The following SRGAP1 variants were observed in gnomAD, a reference collection of about 807,000 sequenced individuals.
SRGAP1 encodes the protein SLIT-ROBO Rho GTPase activating protein 1.
SRGAP1 carries 43 observed loss-of-function variants against 121.9 expected under a neutral mutation model. The observed-to-expected ratio is 0.35, with a 90% CI of 0.28 to 0.46. The LOEUF (loss-of-function observed/expected upper bound fraction) is 0.46, where lower values mean the gene tolerates loss of function less well. SRGAP1 is among the 20% of genes least tolerant of loss of function. SRGAP1 has a pLI of 1.00. For missense variants in SRGAP1, 1,102 were observed against 1,350.9 expected, an observed-to-expected ratio of 0.82 and a Z score of 2.89; for synonymous variants, 447 against 485.4, an observed-to-expected ratio of 0.92 and a Z score of 1.04.
intron 1 of SRGAP1, among the ~76,000 whole-genome samples, chr12:63,919,866 G>A (rs918669779): frequency 3.9e-5 from 6 of 152,214 alleles, no homozygotes; most frequent in Non-Finnish European, 7.3e-5. Context: ...ATTATGTGTT[G>A]TTGGGTGAGT....
At chr12:63,875,857 A>G (rs1900013424) in intron 1 of SRGAP1, among the ~76,000 whole-genome samples, 1 of 152,234 alleles carries the variant, frequency 6.6e-6, no homozygotes, top group East Asian at 1.9e-4. Flanking sequence ...ACTAAGAAAT[A>G]AGGAAACTCA....
At chr12:64,073,874 T>C (rs2035687304) in intron 8 of SRGAP1, among the ~76,000 whole-genome samples, 2 of 152,042 alleles carry the variant, frequency 1.3e-5, no homozygotes, top group South Asian at 4.1e-4. Context: ...ATGGATTTTG[T>C]GTTTTTTTGT....
intron 12 of SRGAP1, chr12:64,092,062 T>C: frequency 2.8e-6 from 2 of 716,544 alleles, no homozygotes; most frequent in Non-Finnish European, 4.6e-6. Context: ...GACAAGTTTA[T>C]AAATAGGTTT....
At chr12:63,912,920 T>A (rs2030568409) in intron 1 of SRGAP1, among the ~76,000 whole-genome samples, 1 of 152,136 alleles carries the variant, frequency 6.6e-6, no homozygotes, top group African/African-American at 2.4e-5. Flanking sequence ...CTTGTGAGTA[T>A]CACTGGGGTT....
intron 4 of SRGAP1, among the ~76,000 whole-genome samples, chr12:64,039,374 A>C (rs1160849681): frequency 1.3e-5 from 2 of 152,174 alleles, no homozygotes; most frequent in Non-Finnish European, 2.9e-5. Flanking sequence ...TCAGTAAGGA[A>C]CACCCTGCTG....
At chr12:64,048,864 A>G (rs1349537714) in intron 6 of SRGAP1, among the ~76,000 whole-genome samples, 1 of 151,864 alleles carries the variant, frequency 6.6e-6, no homozygotes, top group Non-Finnish European at 1.5e-5. Flanking sequence ...ATTTTTTCCT[A>G]TTGAGTTGTT....
chr12:63,941,318 C>CA (rs938394002), intron 1 of SRGAP1, among the ~76,000 whole-genome samples: 3 of 151,850 alleles, frequency 2.0e-5, no homozygotes, highest in African/African-American at 7.3e-5. Context: ...GTCATCATGC[C>CA]AAAAAATGAA....
chr12:63,878,943 A>G (rs1051277016), intron 1 of SRGAP1: 3 of 152,226 alleles, frequency 2.0e-5, no homozygotes, highest in African/African-American at 7.2e-5. Context: ...AGTTCTTTCA[A>G]TCTTGAATGA....
chr12:63,911,709 T>G (rs2030512328), intron 1 of SRGAP1, among the ~76,000 whole-genome samples: 1 of 152,212 alleles, frequency 6.6e-6, no homozygotes, highest in Non-Finnish European at 1.5e-5. Context: ...TTTAAAATAT[T>G]TAAGCATCAC....
At chr12:63,978,836 C>T (rs2033166060) in intron 1 of SRGAP1, among the ~76,000 whole-genome samples, 1 of 152,156 alleles carries the variant, frequency 6.6e-6, no homozygotes, top group Non-Finnish European at 1.5e-5. Flanking sequence ...TGTGTGAGTT[C>T]CAGTTTCTCC....
intron 1 of SRGAP1, among the ~76,000 whole-genome samples, chr12:63,936,459 G>T (rs10878094): frequency 2.6e-5 from 4 of 151,924 alleles, no homozygotes; most frequent in East Asian, 3.9e-4. Context: ...GGGACGGCAA[G>T]GGGACATGTG....
At chr12:63,962,151 G>A (rs1032390493) in intron 1 of SRGAP1, among the ~76,000 whole-genome samples, 7 of 152,124 alleles carry the variant, frequency 4.6e-5, no homozygotes, top group African/African-American at 9.7e-5. Context: ...ACAATTGTGT[G>A]TATATATATC....
chr12:64,065,324 T>G (rs2035519155), intron 8 of SRGAP1, 105 bp downstream of exon 8: 7 of 960,702 alleles, frequency 7.3e-6, no homozygotes, highest in Non-Finnish European at 1.1e-5. Context: ...TTCAACCTCT[T>G]CATCACGTAT....
chr12:64,062,711 G>A (rs1236450554), intron 6 of SRGAP1, among the ~76,000 whole-genome samples: 1 of 151,870 alleles, frequency 6.6e-6, no homozygotes, highest in Non-Finnish European at 1.5e-5. Flanking sequence ...GAGACGGGGG[G>A]TCTTCAATTT....
At position 64,147,404 on chromosome 12, in the gene SRGAP1, G is replaced by A. The variant is rs1488870813; in HGVS notation, c.*4732G>A. The A allele has an allele frequency of 5.3e-5, 14 of 262,472 alleles. No homozygotes were observed. Among genetic ancestry groups the A allele is most frequent in the Non-Finnish European group, 8.6e-5 (13 of 151,972 alleles). The allele number at this position is 262,472 out of a possible 1,614,324, so 16.3% of individuals were successfully genotyped here. A position where few individuals can be genotyped will look rare whatever the true frequency, so the allele number is the denominator to read the frequency against. On this transcript the variant is annotated 3_prime_UTR_variant, in exon 22 of 22. Transcript: ENST00000355086. ...TTCCTGCTGCCCACTCGAGTGTTTC[G>A]AAGCTTCCTCCCTGTCCCCCACCTT...
At chr12:64,044,950 G>T (rs2035098206) in intron 6 of SRGAP1, among the ~76,000 whole-genome samples, 1 of 151,934 alleles carries the variant, frequency 6.6e-6, no homozygotes, top group Non-Finnish European at 1.5e-5. Context: ...GAAGAGCTGG[G>T]ATTACAGGCC....
chr12:63,861,507 C>T (rs1041821475), intron 1 of SRGAP1, among the ~76,000 whole-genome samples: 6 of 151,624 alleles, frequency 4.0e-5, no homozygotes, highest in Non-Finnish European at 7.4e-5. Flanking sequence ...CCATGTTAGC[C>T]AGGCTGGCCT....
rs772447733 is a variant in SRGAP1, at chr12:64,149,907, GCTTA to G, written c.*7240_*7243del. 6.6e-6 allele frequency: 1 copy of G among 152,000 alleles called. No homozygotes were observed. The highest frequency in any genetic ancestry group is 1.5e-5 in the Non-Finnish European group (1 of 67,984). The allele number at this position is 152,000 out of a possible 1,614,324, so 9.4% of individuals were successfully genotyped here. A position where few individuals can be genotyped will look rare whatever the true frequency, so the allele number is the denominator to read the frequency against. On this transcript the variant is annotated 3_prime_UTR_variant, in exon 22 of 22. Coordinates refer to ENST00000355086, the MANE Select transcript of SRGAP1 (RefSeq NM_020762.4). Reference sequence around the variant, plus strand: ...ATTAGGACCAGATAATCAATTTTTGGCTTACTTATACTATAGTATAAGCAAATAA... The same window carrying G: ...ATTAGGACCAGATAATCAATTTTTGGCTTATACTATAGTATAAGCAAATAA...
intron 8 of SRGAP1, among the ~76,000 whole-genome samples, chr12:64,074,499 G>A (rs2035698792): frequency 6.6e-6 from 1 of 152,112 alleles, no homozygotes; most frequent in Non-Finnish European, 1.5e-5. Flanking sequence ...CTCATATAAA[G>A]CTACTTGTTT....
Sources: allele counts gnomAD v4.1 joint callset (sites outside exome capture counted in the v4.1 genomes callset), GRCh38; gene constraint gnomAD v4.1.1; transcripts MANE v1.5; gene names NCBI Gene and HGNC (gene_info 2026-07-23, HGNC 2026-07-21).